CDH4: variants seen among roughly 807,000 people sequenced by gnomAD.
CDH4 encodes the protein cadherin 4.
In CDH4, 33 loss-of-function variants were observed where a neutral mutation model predicts 86.0. The observed-to-expected ratio is 0.38, with a 90% CI of 0.29 to 0.51. The LOEUF is 0.51. Among genes scored for constraint, CDH4 ranks in the 20% least tolerant of loss-of-function variants. The probability of loss-of-function intolerance (pLI) is 0.86; values close to 1 mark genes in which losing one functional copy is unlikely to be tolerated. For synonymous variants in CDH4, 555 were observed against 549.4 expected (o/e 1.01, Z -0.14); for missense variants, 1,114 against 1,307.4 (o/e 0.85, Z 2.28).
intron 7 of CDH4, 68 bp downstream of exon 7, chr20:61,873,968 C>T: frequency 6.5e-7 from 1 of 1,538,938 alleles, no homozygotes; most frequent in Non-Finnish European, 8.9e-7. Flanking sequence ...CCACAGGACC[C>T]TCGGGGAGCC....
chr20:61,883,657 T>TC (rs1363445622), intron 7 of CDH4, among the ~76,000 whole-genome samples: 4 of 152,144 alleles, frequency 2.6e-5, no homozygotes, highest in Admixed American at 2.6e-4. Context: ...CACAGTCGGG[T>TC]GTGACTGCCC....
At chr20:61,605,886 GAAAAAAAAA>G (rs529210946) in intron 2 of CDH4, among the ~76,000 whole-genome samples, 1 of 126,000 alleles carries the variant, frequency 7.9e-6, no homozygotes, top group Admixed American at 8.1e-5. Context: ...GGCTGTGGAG[GAAAAAAAAA>G]AAAAAAAAAA....
At chr20:61,332,250 C>T (rs1336950616) in intron 2 of CDH4, among the ~76,000 whole-genome samples, 4 of 152,124 alleles carry the variant, frequency 2.6e-5, no homozygotes, top group East Asian at 1.9e-4. Context: ...TCAGGGTGGG[C>T]GGAGCGGTGA....
chr20:61,523,318 T>C (rs778050320), intron 2 of CDH4, among the ~76,000 whole-genome samples: 10 of 152,358 alleles, frequency 6.6e-5, no homozygotes, highest in Middle Eastern at 3.4e-3. Flanking sequence ...CCCACGCTGG[T>C]CTCTGCTCGC....
intron 4 of CDH4, among the ~76,000 whole-genome samples, chr20:61,782,660 C>T (rs981954939): frequency 1.8e-4 from 27 of 152,218 alleles, no homozygotes; most frequent in African/African-American, 4.3e-4. Flanking sequence ...AAAGGACAGA[C>T]GGGGTAAATG....
At chr20:61,848,559 T>G (rs1234521195) in intron 5 of CDH4, among the ~76,000 whole-genome samples, 1 of 152,110 alleles carries the variant, frequency 6.6e-6, no homozygotes, top group Non-Finnish European at 1.5e-5. Context: ...AGAGTCTGAC[T>G]TCGTCAGCCA....
intron 2 of CDH4, among the ~76,000 whole-genome samples, chr20:61,345,267 G>C (rs1166193009): frequency 6.6e-6 from 1 of 152,180 alleles, no homozygotes; most frequent in Non-Finnish European, 1.5e-5. Flanking sequence ...GAAATCGAGA[G>C]TGACAACACG....
rs571104783 is a variant in CDH4 at position 61,771,026 on chromosome 20, T to C, written c.397-1977T>C. 7.5e-5 allele frequency among the ~76,000 whole-genome samples: 11 copies of C among 146,568 alleles called. No individual in the cohort carries two copies. The South Asian group carries it at 2.3e-3, about 31-fold the overall frequency. Reference sequence around the variant, plus strand: ...TCTTTTTTTCTTTTTTTTTTTTTTTTTGAGACAGAGTTTCGCTCTTTTTCC... The same window carrying C: ...TCTTTTTTTCTTTTTTTTTTTTTTTCTGAGACAGAGTTTCGCTCTTTTTCC... On this transcript the variant is annotated intron_variant, in intron 3 of 15. Coordinates refer to ENST00000614565, the MANE Select transcript of CDH4 (RefSeq NM_001794.5).
chr20:61,594,397 C>T (rs1029279295), intron 2 of CDH4, among the ~76,000 whole-genome samples: 1 of 152,118 alleles, frequency 6.6e-6, no homozygotes, highest in African/African-American at 2.4e-5. Context: ...GCTCATTGGG[C>T]AGCCCCCACC....
chr20:61,565,204 C>G (rs28434364), intron 2 of CDH4, among the ~76,000 whole-genome samples: 36,375 of 49,922 alleles, frequency 0.73, 12,235 homozygotes, highest in East Asian at 0.85. Flanking sequence ...TGGTGGTGGT[C>G]GCGGTGCTCT....
At chr20:61,297,110 G>C (rs990447315) in intron 2 of CDH4, among the ~76,000 whole-genome samples, 1 of 152,198 alleles carries the variant, frequency 6.6e-6, no homozygotes, top group Non-Finnish European at 1.5e-5. Context: ...TGGAGGCAAG[G>C]AGTGGTGGCT....
At chr20:61,659,771 G>A (rs572412100) in intron 2 of CDH4, among the ~76,000 whole-genome samples, 90 of 152,340 alleles carry the variant, frequency 5.9e-4, no homozygotes, top group African/African-American at 2.0e-3. Context: ...GAGGCAGGAG[G>A]AGGGGTGGGC....
intron 2 of CDH4, among the ~76,000 whole-genome samples, chr20:61,431,588 G>A (rs965143866): frequency 6.6e-6 from 1 of 151,980 alleles, no homozygotes; most frequent in African/African-American, 2.4e-5. Flanking sequence ...TCAAACTCCT[G>A]GACTCAAGTG....
intron 4 of CDH4, among the ~76,000 whole-genome samples, chr20:61,780,863 G>A (rs987564793): frequency 3.9e-5 from 6 of 152,174 alleles, no homozygotes; most frequent in Admixed American, 1.3e-4. Context: ...CAGGCAGGAA[G>A]CCACAGACGT....
At chr20:61,635,429 C>T (rs548588559) in intron 2 of CDH4, among the ~76,000 whole-genome samples, 1 of 152,326 alleles carries the variant, frequency 6.6e-6, no homozygotes, top group African/African-American at 2.4e-5. Context: ...GGTGATGTGC[C>T]CTCACCCATC....
intron 2 of CDH4, among the ~76,000 whole-genome samples, chr20:61,724,447 A>G (rs2088086366): frequency 1.3e-5 from 2 of 152,302 alleles, no homozygotes; most frequent in South Asian, 2.1e-4. Flanking sequence ...TCAGTGAGAA[A>G]GCTCAGCCCT....
intron 2 of CDH4, among the ~76,000 whole-genome samples, chr20:61,667,335 A>G (rs1012802146): frequency 1.3e-5 from 2 of 152,198 alleles, no homozygotes; most frequent in Non-Finnish European, 2.9e-5. Flanking sequence ...CAGCATTTCT[A>G]TGCACACCAT....
rs1243960000 is a variant in CDH4 at position 61,811,373 on chromosome 20, G to T, written c.577-33295G>T. ...CCCGGCTTACACAGACACAGCCCAG[G>T]AGAAAAAGCAGTGACCATTTGCCTG... On this transcript the variant is annotated intron_variant, in intron 4 of 15. Coordinates refer to ENST00000614565, the MANE Select transcript of CDH4 (RefSeq NM_001794.5). This position sits in a 1 kb window ranked among gnomAD's most constrained non-coding sequence, Gnocchi z 4.4. Among the ~76,000 whole-genome samples, 1 of 152,178 alleles carries T rather than the reference G, an allele frequency of 6.6e-6. No individual in the cohort carries two copies. The highest frequency in any genetic ancestry group is 1.5e-5 in the Non-Finnish European group (1 of 68,038).
intron 2 of CDH4, among the ~76,000 whole-genome samples, chr20:61,552,825 C>T (rs911400252): frequency 6.6e-6 from 1 of 151,756 alleles, no homozygotes; most frequent in Non-Finnish European, 1.5e-5. Context: ...AACCCTCATG[C>T]ATTACTGGTG....
Sources: gnomAD v4.1 joint callset for allele counts (sites outside exome capture counted in the v4.1 genomes callset) on GRCh38, gnomAD v4.1.1 for gene constraint, Gnocchi (gnomAD v3.1) non-coding constraint, MANE v1.5 for transcripts, NCBI Gene and HGNC (gene_info 2026-07-23, HGNC 2026-07-21) for gene names.